IBTK: variants seen among roughly 807,000 people sequenced by gnomAD.
IBTK encodes BTK-binding protein.
IBTK carries 83 observed loss-of-function variants against 154.9 expected under a neutral mutation model. The ratio of observed to expected loss-of-function variants is 0.54; its 90% CI spans 0.45 to 0.64. The LOEUF is 0.64. IBTK is among the 30% of genes least tolerant of loss of function. The probability of loss-of-function intolerance (pLI) is 0.00; values close to 1 mark genes in which losing one functional copy is unlikely to be tolerated. For synonymous variants in IBTK, 515 were observed against 536.1 expected (o/e 0.96, Z 0.54); for missense variants, 1,332 against 1,584.6 (o/e 0.84, Z 2.71).
At chr6:82,241,019 T>A (rs1040654631) in intron 1 of IBTK, among the ~76,000 whole-genome samples, 176 bp from the exon 2 acceptor site, 2 of 152,176 alleles carry the variant, frequency 1.3e-5, no homozygotes, top group African/African-American at 4.8e-5. Context: ...CTCAAGGTCA[T>A]CGCCAAGATC....
intron 2 of IBTK, among the ~76,000 whole-genome samples, chr6:82,238,748 TC>T (rs1770829507): frequency 6.6e-6 from 1 of 151,976 alleles, no homozygotes; most frequent in Non-Finnish European, 1.5e-5. Flanking sequence ...GCCATCAATT[TC>T]TTTTTTTGAG....
In IBTK at chr6:82,194,651, A is replaced by G. The variant is rs1768912851; in HGVS notation, c.3175-9T>C. 4 of 1,556,092 alleles carry G rather than the reference A, an allele frequency of 2.6e-6. No homozygotes were observed. Among genetic ancestry groups the G allele is most frequent in the Non-Finnish European group, 3.5e-6 (4 of 1,155,766 alleles). On this transcript the variant is annotated splice_polypyrimidine_tract_variant and intron_variant, in intron 22 of 28. Coordinates refer to ENST00000306270, the MANE Select transcript of IBTK (RefSeq NM_015525.4). Reference sequence around the variant, plus strand: ...TACGGTTTGACTTTCGCCTGGGGAGAGAAAAAAAATAAAAAAAGTTAACAG... The same window carrying G: ...TACGGTTTGACTTTCGCCTGGGGAGGGAAAAAAAATAAAAAAAGTTAACAG...
chr6:82,225,136 A>G (rs1371237210), intron 6 of IBTK, among the ~76,000 whole-genome samples: 1 of 136,312 alleles, frequency 7.3e-6, no homozygotes, highest in Non-Finnish European at 1.6e-5. Flanking sequence ...CCTCTCTACT[A>G]AAAAATACTC....
chr6:82,189,251 A>T (rs932521629), intron 25 of IBTK, among the ~76,000 whole-genome samples: 2 of 152,086 alleles, frequency 1.3e-5, no homozygotes, highest in African/African-American at 4.8e-5. Flanking sequence ...TTACTGTAAA[A>T]TTTCAGAACA....
chr6:82,226,609 T>G (rs1770308037), intron 5 of IBTK, among the ~76,000 whole-genome samples: 2 of 151,546 alleles, frequency 1.3e-5, no homozygotes, highest in African/African-American at 2.4e-5. Flanking sequence ...TTTTTGTTTT[T>G]TTTTTTTTCT....
chr6:82,212,275 C>T (rs940999762), intron 13 of IBTK, among the ~76,000 whole-genome samples: 4 of 152,112 alleles, frequency 2.6e-5, no homozygotes, highest in Non-Finnish European at 4.4e-5. Flanking sequence ...CGTGAGCCAC[C>T]ACACCAGGCC....
intron 25 of IBTK, among the ~76,000 whole-genome samples, chr6:82,184,084 C>T (rs967765080): frequency 1.3e-5 from 2 of 152,202 alleles, no homozygotes; most frequent in African/African-American, 4.8e-5. Context: ...TTGTGTGATA[C>T]TGGCATAAGG....
chr6:82,233,344 TA>T (rs1770588438), intron 3 of IBTK, among the ~76,000 whole-genome samples: 1 of 151,890 alleles, frequency 6.6e-6, no homozygotes, highest in African/African-American at 2.4e-5. Context: ...ACCACAAAAA[TA>T]ATGATAATTT....
At chr6:82,175,827 C>A (rs1299855593) in intron 26 of IBTK, among the ~76,000 whole-genome samples, 1 of 151,824 alleles carries the variant, frequency 6.6e-6, no homozygotes, top group African/African-American at 2.4e-5. Flanking sequence ...GTCAGGAGTT[C>A]GAGACCACCC....
intron 1 of IBTK, among the ~76,000 whole-genome samples, 178 bp from the exon 2 acceptor site, chr6:82,241,021 G>T (rs1047003441): frequency 1.3e-5 from 2 of 152,004 alleles, no homozygotes; most frequent in Non-Finnish European, 2.9e-5. Flanking sequence ...CAAGGTCATC[G>T]CCAAGATCTG....
chr6:82,178,587 T>C (rs556525324), intron 26 of IBTK, among the ~76,000 whole-genome samples: 3 of 152,270 alleles, frequency 2.0e-5, no homozygotes, highest in Admixed American at 2.0e-4. Flanking sequence ...TGAACACTGG[T>C]AGTAAAATGA....
At position 82,211,551 on chromosome 6, in the gene IBTK, G is replaced by C. The variant is rs1347696629; in HGVS notation, c.2313C>G (p.Thr771=). The change falls in exon 14 of 29, where the codon ACC becomes ACG. Residue 771 remains threonine, a synonymous_variant. Transcript: ENST00000306270. ...QKKCSFLCDV[T]MKSVDGKEFP... is the part of the protein sequence containing the mutation. The stretch of plus-strand genomic sequence containing the variant: ...ATTCCTTTCCATCCACTGATTTCAT[G>C]GTCACGTCACACAGAAATGAACTGC... The C allele has an allele frequency of 6.2e-7, 1 of 1,613,398 alleles. No homozygotes were observed. Among genetic ancestry groups the C allele is most frequent in the Non-Finnish European group, 8.5e-7 (1 of 1,179,422 alleles).
intron 16 of IBTK, among the ~76,000 whole-genome samples, chr6:82,208,282 A>C (rs1336840936): frequency 6.6e-6 from 1 of 152,054 alleles, no homozygotes; most frequent in Non-Finnish European, 1.5e-5. Flanking sequence ...TTACTTGTTA[A>C]TTACACCTTA....
At chr6:82,178,340 A>G (rs1040281362) in intron 26 of IBTK, among the ~76,000 whole-genome samples, 2 of 152,226 alleles carry the variant, frequency 1.3e-5, no homozygotes, top group Non-Finnish European at 2.9e-5. Flanking sequence ...AAGTTCCATG[A>G]CAAATCGTTA....
intron 24 of IBTK, 119 bp from the exon 25 acceptor site, chr6:82,191,335 G>T: frequency 1.3e-6 from 1 of 757,932 alleles, no homozygotes. Context: ...AAGGTTACTG[G>T]TAATAATAAT....
chr6:82,224,447 T>C (rs995745928), intron 6 of IBTK, among the ~76,000 whole-genome samples: 1 of 152,234 alleles, frequency 6.6e-6, no homozygotes, highest in Non-Finnish European at 1.5e-5. Flanking sequence ...ATCAAATTAT[T>C]AAACTTTTAG....
chr6:82,209,611 G>A lies in IBTK; in HGVS notation c.2509+1203C>T, dbSNP rs535074287. Among the ~76,000 whole-genome samples, 4 of 152,122 alleles carry A rather than the reference G, an allele frequency of 2.6e-5. No homozygotes were observed. The South Asian group carries it at 8.3e-4, about 32-fold the overall frequency. On this transcript the variant is annotated intron_variant, in intron 16 of 28. Coordinates refer to ENST00000306270, the MANE Select transcript of IBTK (RefSeq NM_015525.4). ...TAATGGGTACAAGGTATCTTTCTGG[G>A]GTGATGAAAATGTTCTAGAATTATA...
chr6:82,228,112 T>C (rs1391881641), intron 4 of IBTK, among the ~76,000 whole-genome samples: 3 of 152,126 alleles, frequency 2.0e-5, no homozygotes, highest in Non-Finnish European at 4.4e-5. Flanking sequence ...ATATTCATTA[T>C]ACTCACTTTA....
intron 26 of IBTK, among the ~76,000 whole-genome samples, chr6:82,177,083 C>T (rs941601490): frequency 2.0e-5 from 3 of 152,172 alleles, no homozygotes; most frequent in African/African-American, 7.2e-5. Flanking sequence ...GCAATGAAGT[C>T]TTCCTGACAA....
Sources: allele counts gnomAD v4.1 joint callset (sites outside exome capture counted in the v4.1 genomes callset), GRCh38; gene constraint gnomAD v4.1.1; transcripts MANE v1.5; gene names NCBI Gene and HGNC (gene_info 2026-07-23, HGNC 2026-07-21).